Variants in TTC1 observed in about 807,000 individuals in gnomAD.
TTC1 encodes the protein tetratricopeptide repeat protein 1.
Under a neutral mutation model 37.6 loss-of-function variants are expected in TTC1, and 31 were observed. That is an observed-to-expected ratio of 0.82 (90% CI 0.62 to 1.11). The LOEUF is 1.11. TTC1 is among the 50% of genes most tolerant of loss of function. The probability of loss-of-function intolerance (pLI) is 0.00; values close to 1 mark genes in which losing one functional copy is unlikely to be tolerated. For synonymous variants in TTC1, 127 were observed against 122.4 expected, an observed-to-expected ratio of 1.04 and a Z score of -0.25; for missense variants, 351 against 339.0, an observed-to-expected ratio of 1.04 and a Z score of -0.28.
intron 2 of TTC1, among the ~76,000 whole-genome samples, chr5:160,016,335 G>A (rs543133524): frequency 2.6e-5 from 4 of 152,110 alleles, no homozygotes; most frequent in Non-Finnish European, 4.4e-5. Flanking sequence ...CCGAGATCAC[G>A]CCACTGCACT....
intron 2 of TTC1, among the ~76,000 whole-genome samples, chr5:160,030,836 A>G (rs137901715): frequency 2.6e-5 from 4 of 152,318 alleles, no homozygotes; most frequent in African/African-American, 9.6e-5. Context: ...GTTAAAAGGC[A>G]TTGTGGAGGT....
At chr5:160,036,139 T>C (rs1217379459) in intron 3 of TTC1, among the ~76,000 whole-genome samples, 1 of 152,220 alleles carries the variant, frequency 6.6e-6, no homozygotes, top group East Asian at 1.9e-4. Flanking sequence ...CCATTTTCTC[T>C]TTTAAGGTCT....
chr5:160,034,040 C>T (rs1756961985), intron 2 of TTC1, among the ~76,000 whole-genome samples: 1 of 151,986 alleles, frequency 6.6e-6, no homozygotes, highest in Non-Finnish European at 1.5e-5. Context: ...CACTTGAGTC[C>T]AAGAGTTCAA....
chr5:160,024,353 T>C (rs1756764257), intron 2 of TTC1, among the ~76,000 whole-genome samples: 1 of 152,210 alleles, frequency 6.6e-6, no homozygotes, highest in Non-Finnish European at 1.5e-5. Context: ...ATAGTGCAGT[T>C]ATCAAAACCA....
intron 2 of TTC1, among the ~76,000 whole-genome samples, chr5:160,031,319 G>A (rs1177792107): frequency 6.6e-6 from 1 of 152,122 alleles, no homozygotes; most frequent in African/African-American, 2.4e-5. Flanking sequence ...ACAATAGGAT[G>A]CCTCACTTAG....
Position 160,049,649 on chromosome 5 carries a change from G to A in TTC1, c.677G>A (p.Arg226Lys), listed in dbSNP as rs370202062. ...LEKDPSIHQA[R>K]EACMRLPKQI... ...AAAGATCCATCAATACATCAAGCAA[G>A]AGAAGCTTGTATGGTAAAACCTAAA... Residue 226 changes from arginine (R) to lysine (K), a missense_variant, in exon 6 of 8, where the codon AGA becomes AAA. Arg to Lys is a conservative substitution (Grantham distance 26, BLOSUM62 2). Coordinates refer to ENST00000231238, the MANE Select transcript of TTC1 (RefSeq NM_003314.3). 8 of 1,580,380 alleles carry A rather than the reference G, an allele frequency of 5.1e-6. No homozygotes were observed. The African/African-American group carries it at 6.9e-5, about 14-fold the overall frequency.
intron 7 of TTC1, among the ~76,000 whole-genome samples, chr5:160,063,321 A>G (rs1013811248): frequency 2.6e-5 from 4 of 152,058 alleles, no homozygotes; most frequent in South Asian, 2.1e-4. Flanking sequence ...GGCTCAAGCA[A>G]TCCTCCTAAC....
chr5:160,030,323 TAGTG>T (rs1295280654), intron 2 of TTC1, among the ~76,000 whole-genome samples: 1 of 151,994 alleles, frequency 6.6e-6, no homozygotes, highest in African/African-American at 2.4e-5. Context: ...TGAGAGACAA[TAGTG>T]AGATCAGACT....
intron 2 of TTC1, among the ~76,000 whole-genome samples, chr5:160,031,090 A>C (rs1182450095): frequency 1.3e-5 from 2 of 152,170 alleles, no homozygotes; most frequent in Non-Finnish European, 2.9e-5. Context: ...AAAAAACTCC[A>C]GTCTTTGTAC....
At chr5:160,047,923 ATACC>A (rs1313029448) in intron 5 of TTC1, among the ~76,000 whole-genome samples, 28 of 152,244 alleles carry the variant, frequency 1.8e-4, no homozygotes, top group Middle Eastern at 3.4e-3. Context: ...TTGAAATTAT[ATACC>A]TGTCTGTTCT....
intron 1 of TTC1, among the ~76,000 whole-genome samples, chr5:160,009,732 AC>A (rs1275352146): frequency 6.6e-6 from 1 of 152,138 alleles, no homozygotes; most frequent in Non-Finnish European, 1.5e-5. Context: ...GTTCAGAGTC[AC>A]GCTTTCTAAT....
At chr5:160,032,930 C>T (rs964264899) in intron 2 of TTC1, among the ~76,000 whole-genome samples, 4 of 151,062 alleles carry the variant, frequency 2.6e-5, no homozygotes, top group African/African-American at 9.7e-5. Context: ...TTCACTATGT[C>T]GGCCAGGATG....
At chr5:160,052,376 C>G (rs544010494) in intron 7 of TTC1, among the ~76,000 whole-genome samples, 1 of 151,846 alleles carries the variant, frequency 6.6e-6, no homozygotes, top group South Asian at 2.1e-4. Context: ...TGTGCCTGCC[C>G]ATAGTCCCAG....
intron 6 of TTC1, among the ~76,000 whole-genome samples, chr5:160,050,319 T>C (rs577855224): frequency 6.6e-6 from 1 of 151,898 alleles, no homozygotes; most frequent in East Asian, 2.0e-4. Flanking sequence ...TGGTGGCACA[T>C]GCCTGTAATC....
At chr5:160,046,256 T>C (rs1757243367) in intron 5 of TTC1, among the ~76,000 whole-genome samples, 1 of 152,232 alleles carries the variant, frequency 6.6e-6, no homozygotes, top group Non-Finnish European at 1.5e-5. Context: ...CAGTTTCATC[T>C]TGCTCAATTT....
intron 2 of TTC1, among the ~76,000 whole-genome samples, chr5:160,021,343 C>A (rs1482930927): frequency 6.6e-6 from 1 of 152,214 alleles, no homozygotes; most frequent in Non-Finnish European, 1.5e-5. Flanking sequence ...ACATTGACTG[C>A]ATCCAACATC....
intron 5 of TTC1, among the ~76,000 whole-genome samples, chr5:160,046,131 A>G (rs1757237797): frequency 6.6e-6 from 1 of 152,164 alleles, no homozygotes; most frequent in African/African-American, 2.4e-5. Context: ...CATTGAAATA[A>G]TTGTCTATAC....
At chr5:160,011,105 A>C (rs1756494898) in intron 2 of TTC1, among the ~76,000 whole-genome samples, 1 of 152,220 alleles carries the variant, frequency 6.6e-6, no homozygotes, top group African/African-American at 2.4e-5. Context: ...CTTGTACTTC[A>C]GGAGTCTGTA....
intron 2 of TTC1, among the ~76,000 whole-genome samples, chr5:160,032,737 CG>C (rs1049300234): frequency 3.8e-5 from 3 of 79,562 alleles, no homozygotes; most frequent in South Asian, 4.6e-4. Context: ...TTTTTTGAGA[CG>C]GAGTCTCACT....
Sources: gnomAD v4.1 joint callset for allele counts (sites outside exome capture counted in the v4.1 genomes callset) on GRCh38, gnomAD v4.1.1 for gene constraint, MANE v1.5 for transcripts, NCBI Gene and HGNC (gene_info 2026-07-23, HGNC 2026-07-21) for gene names.